Variants in PFDN5 observed in about 807,000 individuals in gnomAD.
PFDN5 encodes the protein c-myc binding protein.
A neutral mutation model predicts 21.5 loss-of-function variants in PFDN5; 13 were observed. The ratio of observed to expected loss-of-function variants is 0.60; its 90% confidence interval spans 0.39 to 0.96. The LOEUF (loss-of-function observed/expected upper bound fraction) is 0.96, where lower values mean the gene tolerates loss of function less well. PFDN5 is among the 40% of genes least tolerant of loss of function. The pLI, the probability that PFDN5 is intolerant of heterozygous loss-of-function variation, is 0.00. For synonymous variants in PFDN5, 84 were observed against 68.9 expected (o/e 1.22, Z -1.08); for missense variants, 188 against 186.2 (o/e 1.01, Z -0.06).
chr12:53,296,348 G>C, intron 3 of PFDN5, 73 bp downstream of exon 3: 7 of 1,194,562 alleles, frequency 5.9e-6, no homozygotes, highest in Non-Finnish European at 8.6e-6. Context: ...AGCGGGGAGG[G>C]GGATTGTTTT....
intron 3 of PFDN5, chr12:53,296,588 T>C (rs976154735): frequency 9.3e-5 from 40 of 429,994 alleles, no homozygotes; most frequent in Non-Finnish European, 1.6e-4. Flanking sequence ...TTTGTATTAA[T>C]AGTAGAGTTG....
intron 5 of PFDN5, 75 bp downstream of exon 5, chr12:53,298,225 G>GT: frequency 1.1e-6 from 1 of 904,654 alleles, no homozygotes; most frequent in Non-Finnish European, 1.9e-6. Context: ...AACCACGGGG[G>GT]TGTCCCCTTT....
At chr12:53,296,119 C>T (rs879178134) in intron 2 of PFDN5, 125 bp from the exon 3 acceptor site, 4 of 849,798 alleles carry the variant, frequency 4.7e-6, no homozygotes, top group South Asian at 4.2e-5. Flanking sequence ...TCCTCTGCTC[C>T]TATTGCCCCT....
intron 3 of PFDN5, 100 bp from the exon 4 acceptor site, chr12:53,297,749 CT>C: frequency 2.4e-6 from 2 of 826,760 alleles, no homozygotes; most frequent in Non-Finnish European, 2.1e-6. Context: ...TGCCTTGTAG[CT>C]TTTTGGAAAA....
intron 4 of PFDN5, 50 bp downstream of exon 4, chr12:53,297,974 G>T (rs964082622): frequency 2.5e-5 from 40 of 1,575,984 alleles, no homozygotes; most frequent in Non-Finnish European, 2.6e-6. Context: ...GGAAATTCAG[G>T]GGAAGCTCTA....
At chr12:53,296,404 C>CT (rs59765323) in intron 3 of PFDN5, 129 bp downstream of exon 3, 42 of 589,858 alleles carry the variant, frequency 7.1e-5, no homozygotes, top group African/African-American at 5.7e-4. Context: ...TGAGGATACC[C>CT]TTTTTTTTTT....
rs1944172870 is a variant in PFDN5, at chr12:53,297,857, T to A, written c.215T>A (p.Val72Asp). The A allele has an allele frequency of 1.2e-6, 2 of 1,610,602 alleles. No homozygotes were observed. The highest frequency in any genetic ancestry group is 1.7e-6 in the Non-Finnish European group (2 of 1,178,036). The stretch of plus-strand genomic sequence containing the variant: ...TTAATTCTTGCTTCTCAGATGTATG[T>A]CCCTGGGAAGCTGCATGATGTGGAA... ...LLVPLTSSMY[V>D]PGKLHDVEHV... Residue 72 changes from valine (V) to aspartate (D), a missense_variant, in exon 4 of 6, where the codon GTC (valine) becomes GAC (aspartate). Transcript: ENST00000334478.
chr12:53,297,549 T>TTAC (rs55661105), intron 3 of PFDN5: 1 of 371,426 alleles, frequency 2.7e-6, no homozygotes, highest in Non-Finnish European at 5.0e-6. Context: ...TAGGAAAACA[T>TTAC]GTCTAGTCTT....
chr12:53,297,981 T>C (rs1944175666), intron 4 of PFDN5, 57 bp downstream of exon 4: 2 of 1,568,544 alleles, frequency 1.3e-6, no homozygotes, highest in Admixed American at 1.7e-5. Context: ...CAGGGGAAGC[T>C]CTAGAGCGCA....
intron 2 of PFDN5, 131 bp from the exon 3 acceptor site, chr12:53,296,113 C>T: frequency 1.2e-6 from 1 of 830,368 alleles, no homozygotes; most frequent in Non-Finnish European, 2.0e-6. Context: ...GGACATTCCT[C>T]TGCTCCTATT....
Position 53,295,710 on chromosome 12 carries a change from C to T in PFDN5, c.72+71C>T, listed in dbSNP as rs1294130325. The stretch of plus-strand genomic sequence containing the variant: ...CTTGCCCACGCGTACTTCTCGCGCC[C>T]GGTTCCAAGTTGGCAGCCTACCTTT... On this transcript the variant is annotated intron_variant, in intron 1 of 5. Coordinates refer to ENST00000334478, the MANE Select transcript of PFDN5 (RefSeq NM_002624.4). 9.7e-6 allele frequency: 14 copies of T among 1,442,110 alleles called. 1 individual carries two copies. In the Admixed American group the frequency reaches 2.4e-4, roughly 24 times the overall value. 89.3% of individuals were successfully genotyped at this position (1,442,110 alleles called of 1,614,324 possible).
intron 3 of PFDN5, 174 bp downstream of exon 3, chr12:53,296,449 C>G (rs1421584177): frequency 2.9e-6 from 2 of 694,978 alleles, no homozygotes; most frequent in Non-Finnish European, 5.2e-6. Context: ...CGCTCTGTCG[C>G]CCAGGCTGGA....
At position 53,296,116 on chromosome 12, in the gene PFDN5, C is replaced by T. The variant is rs1325611169; in HGVS notation, c.176-128C>T. 3 of 836,536 alleles carry T rather than the reference C, an allele frequency of 3.6e-6. No individual in the cohort carries two copies. The Admixed American group carries it at 6.1e-5, about 17-fold the overall frequency. The allele number at this position is 836,536 out of a possible 1,614,324, so 51.8% of individuals were successfully genotyped here. A position where few individuals can be genotyped will look rare whatever the true frequency, so the allele number is the denominator to read the frequency against. ...TTGAAAAGTACAGGACATTCCTCTG[C>T]TCCTATTGCCCCTGTTTCCGTTCTT... is the stretch of plus-strand genomic sequence containing the variant. On this transcript the variant is annotated intron_variant, in intron 2 of 5. Transcript: ENST00000334478.
rs199589367 is a variant in PFDN5 at position 53,296,291 on chromosome 12, G to A, written c.207+16G>A. ...GACGAGTTCTGTATCCTTTCCACAG[G>A]AACGGCTACCTGCTGCCTTCTCCCT... On this transcript the variant is annotated intron_variant, in intron 3 of 5. Coordinates refer to ENST00000334478, the MANE Select transcript of PFDN5 (RefSeq NM_002624.4). The A allele has an allele frequency of 3.7e-4, 589 of 1,599,140 alleles. No homozygotes were observed. The highest frequency in any genetic ancestry group is 4.8e-4 in the Non-Finnish European group (562 of 1,169,940).
intron 3 of PFDN5, chr12:53,296,630 G>C (rs766028435): frequency 1.1e-5 from 4 of 356,036 alleles, no homozygotes; most frequent in African/African-American, 2.2e-5. Context: ...GGCTAGTCTC[G>C]AACTCCTGAC....
chr12:53,295,699 C>T (rs996442333), intron 1 of PFDN5, 60 bp downstream of exon 1: 27 of 1,475,828 alleles, frequency 1.8e-5, no homozygotes, highest in African/African-American at 2.8e-5. Context: ...CCCACGCGTA[C>T]TTCTCGCGCC....
chr12:53,299,446 C>A lies in PFDN5; in HGVS notation c.*101C>A. 2 of 791,026 alleles carry A rather than the reference C, an allele frequency of 2.5e-6. No individual in the cohort carries two copies. Among genetic ancestry groups the A allele is most frequent in the Non-Finnish European group, 4.2e-6 (2 of 475,102 alleles). 49.0% of individuals were successfully genotyped at this position (791,026 alleles called of 1,614,324 possible). A position where few individuals can be genotyped will look rare whatever the true frequency, so the allele number is the denominator to read the frequency against. On this transcript the variant is annotated 3_prime_UTR_variant, in exon 6 of 6. Coordinates refer to ENST00000334478, the MANE Select transcript of PFDN5 (RefSeq NM_002624.4). ...AATGCCAATAAATGTGCCAGCTGGGCAGAATGTTGGTCTTTTCTTGGATTA... is the reference window on the plus strand; with the variant it reads ...AATGCCAATAAATGTGCCAGCTGGGAAGAATGTTGGTCTTTTCTTGGATTA...
In PFDN5 at chr12:53,297,937, A is replaced by AT; in HGVS notation, c.282+14dup. 1 of 1,604,828 alleles carries AT rather than the reference A, an allele frequency of 6.2e-7. No homozygotes were observed. Among genetic ancestry groups the AT allele is most frequent in the East Asian group, 2.2e-5 (1 of 44,844 alleles). ...CTATGTAGAGAAGGTGAGTGAGAGC[A>AT]TGTGGATGCCCCTCTAAACAGGGAA... On this transcript the variant is annotated intron_variant, in intron 4 of 5. Coordinates refer to ENST00000334478, the MANE Select transcript of PFDN5 (RefSeq NM_002624.4).
At chr12:53,295,772 C>T (rs1944142250) in intron 1 of PFDN5, 67 bp from the exon 2 acceptor site, 1 of 1,246,636 alleles carries the variant, frequency 8.0e-7, no homozygotes, top group African/African-American at 1.5e-5. Context: ...AGGACCTGCC[C>T]CCTCCCCGGC....
Sources: gnomAD v4.1 joint callset for allele counts on GRCh38, gnomAD v4.1.1 for gene constraint, MANE v1.5 for transcripts, NCBI Gene and HGNC (gene_info 2026-07-23, HGNC 2026-07-21) for gene names.